The following OR10G4 variants were observed in gnomAD, a reference collection of about 807,000 sequenced individuals.
OR10G4 encodes olfactory receptor 10G4.
For synonymous variants in OR10G4, 130 were observed against 159.3 expected (o/e 0.82, Z 1.39); for missense variants, 318 against 388.8 (o/e 0.82, Z 1.53).
At position 124,015,633 on chromosome 11, in the gene OR10G4, G is replaced by T. The variant is rs372613966; in HGVS notation, c.59G>T (p.Gly20Val). Residue 20 changes from glycine to valine, a missense_variant, in exon 2 of 2, where the codon GGG (glycine) becomes GTG (valine). Gly to Val is a moderately radical substitution (Grantham distance 109). Transcript: ENST00000641722. ...CTCACAGGCCTTCCCCATGCCCCAG[G>T]GCTGGACGCCCTCCTCTTTGGAATC... is the stretch of plus-strand genomic sequence containing the variant. ...FILTGLPHAPGLDALLFGIFL... is the reference protein window; with the variant it reads ...FILTGLPHAPVLDALLFGIFL... 44 of 1,604,112 alleles carry T rather than the reference G, an allele frequency of 2.7e-5. 1 individual carries two copies. The highest frequency in any genetic ancestry group is 3.3e-4 in the Middle Eastern group (2 of 6,060).
In OR10G4 at chr11:124,013,045, T is replaced by C. The variant is rs1256557335; in HGVS notation, c.-95T>C. The stretch of plus-strand genomic sequence containing the variant: ...CAAACTAGTGCCTATACGTAGTGGG[T>C]AGAAAGTGAAAAATTGGGGGAAAAA... On this transcript the variant is annotated 5_prime_UTR_variant, in exon 1 of 2. Transcript: ENST00000641722. 2 of 152,196 alleles carry C rather than the reference T, an allele frequency of 1.3e-5. No individual in the cohort carries two copies. The highest frequency in any genetic ancestry group is 4.8e-5 in the African/African-American group (2 of 41,456). 9.4% of individuals were successfully genotyped at this position (152,196 alleles called of 1,614,324 possible).
Position 124,016,000 on chromosome 11 carries a change from C to T in OR10G4, c.426C>T (p.Leu142=), listed in dbSNP as rs147538417. 6.8e-4 allele frequency: 1,096 copies of T among 1,613,962 alleles called. 7 individuals carry two copies. In the African/African-American group the frequency reaches 0.013, roughly 19 times the overall value. The change falls in exon 2 of 2, where the codon CTC becomes CTT. Residue 142 remains leucine, a synonymous_variant. Transcript: ENST00000641722. ...TSMMSGSRCA[L]LATGTWLSGS... ...TGATGAGTGGGAGCAGGTGTGCCCT[C>T]CTGGCCACCGGCACTTGGCTCAGTG...
In OR10G4 at chr11:124,017,449, A is replaced by G. The variant is rs1864030841; in HGVS notation, c.*939A>G. ...TGGCTATAGGTCAGGAGTGTTAAAC[A>G]TTCCACAATGCACAGGAGAGACCCT... On this transcript the variant is annotated 3_prime_UTR_variant, in exon 2 of 2. Coordinates refer to ENST00000641722, the MANE Select transcript of OR10G4 (RefSeq NM_001004462.2). 1.3e-5 allele frequency: 2 copies of G among 152,232 alleles called. No individual in the cohort carries two copies. 9.4% of individuals were successfully genotyped at this position (152,232 alleles called of 1,614,324 possible).
In OR10G4 at chr11:124,017,643, C is replaced by G. The variant is rs928343079; in HGVS notation, c.*1133C>G. ...TAGGATTATAAAGTGCACATGGAGA[C>G]TCATATTTTTAAAATGCCAATTCCA... On this transcript the variant is annotated 3_prime_UTR_variant, in exon 2 of 2. Coordinates refer to ENST00000641722, the MANE Select transcript of OR10G4 (RefSeq NM_001004462.2). The G allele has an allele frequency of 9.2e-5, 14 of 152,164 alleles. No homozygotes were observed. The highest frequency in any genetic ancestry group is 6.5e-4 in the Admixed American group (10 of 15,278). 9.4% of individuals were successfully genotyped at this position (152,164 alleles called of 1,614,324 possible). A position where few individuals can be genotyped will look rare whatever the true frequency, so the allele number is the denominator to read the frequency against.
At chr11:124,013,677 C>T (rs1565590427) in intron 1 of OR10G4, among the ~76,000 whole-genome samples, 2 of 152,142 alleles carry the variant, frequency 1.3e-5, no homozygotes, top group Non-Finnish European at 2.9e-5. Context: ...CCCCACAGAA[C>T]AATTCATAAC....
At chr11:124,013,916 GA>G (rs1182544351) in intron 1 of OR10G4, among the ~76,000 whole-genome samples, 2 of 152,120 alleles carry the variant, frequency 1.3e-5, no homozygotes, top group East Asian at 3.8e-4. Flanking sequence ...TGGAGGAGGG[GA>G]AGATCATGGG....
chr11:124,017,911 G>A lies in OR10G4; in HGVS notation c.*1401G>A, dbSNP rs1864034543. 1 of 152,112 alleles carries A rather than the reference G, an allele frequency of 6.6e-6. No individual in the cohort carries two copies. The highest frequency in any genetic ancestry group is 2.1e-4 in the South Asian group (1 of 4,824). The allele number at this position is 152,112 out of a possible 1,614,324, so 9.4% of individuals were successfully genotyped here. ...TATGAGACTAGACAAATAGAAAAAC[G>A]GAACTGAATACAGAGTAAAGAAATA... On this transcript the variant is annotated 3_prime_UTR_variant, in exon 2 of 2. Coordinates refer to ENST00000641722, the MANE Select transcript of OR10G4 (RefSeq NM_001004462.2).
At chr11:124,013,267 G>A (rs1863986614) in intron 1 of OR10G4, among the ~76,000 whole-genome samples, 155 bp downstream of exon 1, 2 of 152,164 alleles carry the variant, frequency 1.3e-5, no homozygotes, top group South Asian at 2.1e-4. Context: ...TGTAATTGAG[G>A]TTATACAAAT....
chr11:124,016,328 G>T lies in OR10G4; in HGVS notation c.754G>T (p.Val252Phe), dbSNP rs752158764. 5.6e-6 allele frequency: 9 copies of T among 1,614,030 alleles called. No individual in the cohort carries two copies. The highest frequency in any genetic ancestry group is 1.3e-5 in the African/African-American group (1 of 74,918). ...SHCIVVLCFF[V>F]PCVVIYLRPG... ...CTGTATTGTGGTCCTTTGCTTCTTTGTTCCCTGTGTTGTCATTTATCTGAG... is the reference window on the plus strand; with the variant it reads ...CTGTATTGTGGTCCTTTGCTTCTTTTTTCCCTGTGTTGTCATTTATCTGAG... Residue 252 changes from valine to phenylalanine, a missense_variant, in exon 2 of 2, where the codon GTT (valine) becomes TTT (phenylalanine). Val to Phe is a conservative substitution (Grantham distance 50). Transcript: ENST00000641722.
chr11:124,017,227 G>A lies in OR10G4; in HGVS notation c.*717G>A, dbSNP rs1311455781. On this transcript the variant is annotated 3_prime_UTR_variant, in exon 2 of 2. Coordinates refer to ENST00000641722, the MANE Select transcript of OR10G4 (RefSeq NM_001004462.2). ...ACAGAATAGATTACTATCCAGCAAT[G>A]ATAACGAATGATCTAACAACTACAT... The A allele has an allele frequency of 6.6e-6, 1 of 152,156 alleles. No individual in the cohort carries two copies. The highest frequency in any genetic ancestry group is 2.4e-5 in the African/African-American group (1 of 41,444). The allele number at this position is 152,156 out of a possible 1,614,324, so 9.4% of individuals were successfully genotyped here.
chr11:124,014,788 T>A (rs1014153288), intron 1 of OR10G4: 1 of 152,194 alleles, frequency 6.6e-6, no homozygotes, highest in Admixed American at 6.5e-5. Flanking sequence ...AAATAGAATA[T>A]GGTAGGTGGA....
At position 124,017,818 on chromosome 11, in the gene OR10G4, A is replaced by T. The variant is rs1429647158; in HGVS notation, c.*1308A>T. On this transcript the variant is annotated 3_prime_UTR_variant, in exon 2 of 2. Coordinates refer to ENST00000641722, the MANE Select transcript of OR10G4 (RefSeq NM_001004462.2). ...CTCTTGAAGAAATAAAGGATAACTG[A>T]AAGATTGACAACACTAGTTATCACA... 6.6e-6 allele frequency: 1 copy of T among 152,238 alleles called. No homozygotes were observed. Among genetic ancestry groups the T allele is most frequent in the Admixed American group, 6.5e-5 (1 of 15,286 alleles). The allele number at this position is 152,238 out of a possible 1,614,324, so 9.4% of individuals were successfully genotyped here.
At position 124,015,175 on chromosome 11, in the gene OR10G4, G is replaced by A. The variant is rs146473093; in HGVS notation, c.-27-373G>A. 7 of 235,006 alleles carry A rather than the reference G, an allele frequency of 3.0e-5. No homozygotes were observed. In the East Asian group the frequency reaches 6.1e-4, roughly 20 times the overall value. The allele number at this position is 235,006 out of a possible 1,614,324, so 14.6% of individuals were successfully genotyped here. ...CTCCCATGAGATTTCAGCTTCTGGG[G>A]ACACATTGATTGAGACCTGTTGAGA... On this transcript the variant is annotated intron_variant, in intron 1 of 1. Coordinates refer to ENST00000641722, the MANE Select transcript of OR10G4 (RefSeq NM_001004462.2).
At chr11:124,014,099 G>A (rs765597251) in intron 1 of OR10G4, among the ~76,000 whole-genome samples, 2 of 152,106 alleles carry the variant, frequency 1.3e-5, no homozygotes, top group Non-Finnish European at 2.9e-5. Flanking sequence ...AAGAGAAACA[G>A]GGCCAGTCAT....
In OR10G4 at chr11:124,016,408, G is replaced by C. The variant is rs199638210; in HGVS notation, c.834G>C (p.Leu278=). The change falls in exon 2 of 2, where the codon CTG becomes CTC. Residue 278 remains leucine (L), a synonymous_variant. Transcript: ENST00000641722. ...DGVVAIFYTV[L]TPLLNPVVYT... is the part of the protein sequence containing the mutation. ...TTGTGGCCATTTTCTACACTGTGCT[G>C]ACGCCCCTTCTCAACCCTGTTGTGT... is the stretch of plus-strand genomic sequence containing the variant. 1.9e-6 allele frequency: 3 copies of C among 1,611,042 alleles called. No individual in the cohort carries two copies. The highest frequency in any genetic ancestry group is 2.5e-6 in the Non-Finnish European group (3 of 1,177,080).
At position 124,015,881 on chromosome 11, in the gene OR10G4, T is replaced by C. The variant is rs536630067; in HGVS notation, c.307T>C (p.Phe103Leu). ...CAGCTGCGTGGCTCAGCTCTATTTTTTCCACTTCCTGGGGAGCACCGAGTG... is the reference window on the plus strand; with the variant it reads ...CAGCTGCGTGGCTCAGCTCTATTTTCTCCACTTCCTGGGGAGCACCGAGTG... ...FHSCVAQLYF[F>L]HFLGSTECFL... The change falls in exon 2 of 2, where the codon TTC (phenylalanine) becomes CTC (leucine). Residue 103 changes from phenylalanine to leucine, a missense_variant. Phe to Leu is a conservative substitution (Grantham distance 22). Coordinates refer to ENST00000641722, the MANE Select transcript of OR10G4 (RefSeq NM_001004462.2). 6.2e-7 allele frequency: 1 copy of C among 1,613,210 alleles called. No individual in the cohort carries two copies. The highest frequency in any genetic ancestry group is 8.5e-7 in the Non-Finnish European group (1 of 1,179,430).
rs200511194 is a variant in OR10G4 at position 124,016,331 on chromosome 11, C to G, written c.757C>G (p.Pro253Ala). The part of the protein sequence containing the change: ...HCIVVLCFFV[P>A]CVVIYLRPGS... ...TATTGTGGTCCTTTGCTTCTTTGTT[C>G]CCTGTGTTGTCATTTATCTGAGGCC... is the stretch of plus-strand genomic sequence containing the variant. The change falls in exon 2 of 2, where the codon CCC becomes GCC. Residue 253 changes from proline to alanine, a missense_variant. Pro to Ala is a conservative substitution (Grantham distance 27). Coordinates refer to ENST00000641722, the MANE Select transcript of OR10G4 (RefSeq NM_001004462.2). 2.0e-5 allele frequency: 32 copies of G among 1,614,108 alleles called. No individual in the cohort carries two copies. The East Asian group carries it at 6.9e-4, about 35-fold the overall frequency.
At position 124,016,581 on chromosome 11, in the gene OR10G4, T is replaced by G. The variant is rs1230020973; in HGVS notation, c.*71T>G. On this transcript the variant is annotated 3_prime_UTR_variant, in exon 2 of 2. Transcript: ENST00000641722. Reference sequence around the variant, plus strand: ...ATTTAGTTATTCATGTGAAATTGATTATATGTATAGTTCTCAGTGTTAAAC... The same window carrying G: ...ATTTAGTTATTCATGTGAAATTGATGATATGTATAGTTCTCAGTGTTAAAC... 1 of 1,053,340 alleles carries G rather than the reference T, an allele frequency of 9.5e-7. No individual in the cohort carries two copies. The highest frequency in any genetic ancestry group is 1.6e-5 in the African/African-American group (1 of 62,580). The allele number at this position is 1,053,340 out of a possible 1,614,324, so 65.2% of individuals were successfully genotyped here.
rs752339620 is a variant in OR10G4 at position 124,016,336 on chromosome 11, T to C, written c.762T>C (p.Cys254=). 14 of 1,614,192 alleles carry C rather than the reference T, an allele frequency of 8.7e-6. No individual in the cohort carries two copies. The highest frequency in any genetic ancestry group is 3.3e-4 in the Middle Eastern group (2 of 6,060). ...CIVVLCFFVP[C]VVIYLRPGSM... ...TGGTCCTTTGCTTCTTTGTTCCCTG[T>C]GTTGTCATTTATCTGAGGCCAGGCT... The change falls in exon 2 of 2, where the codon TGT becomes TGC. Residue 254 remains cysteine (C), a synonymous_variant. Coordinates refer to ENST00000641722, the MANE Select transcript of OR10G4 (RefSeq NM_001004462.2).
Sources: gnomAD v4.1 joint callset for allele counts (sites outside exome capture counted in the v4.1 genomes callset) on GRCh38, gnomAD v4.1.1 for gene constraint, MANE v1.5 for transcripts, NCBI Gene and HGNC (gene_info 2026-07-23, HGNC 2026-07-21) for gene names.